Variants in ACTN2 observed in about 807,000 individuals in gnomAD.
The protein encoded by ACTN2 is alpha-actinin-2.
A neutral mutation model predicts 113.8 loss-of-function variants in ACTN2; 39 were observed. The ratio of observed to expected loss-of-function variants is 0.34; its 90% CI spans 0.27 to 0.45. ACTN2 has a LOEUF of 0.45. Ranked by LOEUF, ACTN2 falls within the 20% of genes least tolerant of loss-of-function variation. The pLI is 1.00. For synonymous variants in ACTN2, 429 were observed against 444.1 expected, an observed-to-expected ratio of 0.97 and a Z score of 0.43; for missense variants, 992 against 1,177.9, an observed-to-expected ratio of 0.84 and a Z score of 2.31.
chr1:236,722,157 T>C (rs1028201308), intron 4 of ACTN2, among the ~76,000 whole-genome samples: 5 of 152,168 alleles, frequency 3.3e-5, no homozygotes, highest in Non-Finnish European at 5.9e-5. Flanking sequence ...TTTTTATTTG[T>C]TTTAGTTTCA....
In ACTN2 at chr1:236,757,582, A is replaced by T; in HGVS notation, c.2251A>T (p.Thr751Ser). 6.2e-7 allele frequency: 1 copy of T among 1,614,200 alleles called. No individual in the cohort carries two copies. The highest frequency in any genetic ancestry group is 1.1e-5 in the South Asian group (1 of 91,084). ...CCTGACGAGAGATGCGAAGGGCATC[A>T]CCCAGGAGCAGATGAATGAGTTCAG... ...QILTRDAKGI[T>S]QEQMNEFRAS... Residue 751 changes from threonine (T) to serine (S), a missense_variant, in exon 18 of 21, where the codon ACC becomes TCC. Physicochemically the swap from Thr to Ser is moderately conservative, Grantham distance 58 (BLOSUM62 1). This residue lies in a region of ACTN2 where 736 missense variants were observed against 815.4 expected (regional missense o/e 0.90). Coordinates refer to ENST00000366578, the MANE Select transcript of ACTN2 (RefSeq NM_001103.4).
chr1:236,736,814 C>T (rs1181742577), intron 8 of ACTN2: 2 of 637,498 alleles, frequency 3.1e-6, no homozygotes, highest in Non-Finnish European at 5.4e-6. Context: ...TTCCTGGACC[C>T]AAATATTTCT....
chr1:236,742,040 C>G (rs1049451241), intron 10 of ACTN2, among the ~76,000 whole-genome samples: 1 of 152,244 alleles, frequency 6.6e-6, no homozygotes, highest in East Asian at 1.9e-4. Context: ...CCCAGGAGCC[C>G]TCGTTTCCTA....
intron 11 of ACTN2, among the ~76,000 whole-genome samples, chr1:236,743,775 T>C (rs1026490443): frequency 6.6e-6 from 1 of 152,198 alleles, no homozygotes; most frequent in Non-Finnish European, 1.5e-5. Flanking sequence ...CCAGGTGGGT[T>C]GGAGGCACAG....
At chr1:236,755,252 C>T (rs1659521341) in intron 17 of ACTN2, 54 bp downstream of exon 17, 1 of 1,601,808 alleles carries the variant, frequency 6.2e-7, no homozygotes, top group African/African-American at 1.3e-5. Flanking sequence ...ACCATGCCAC[C>T]TCCTCAGGGT....
At chr1:236,753,766 G>A (rs1659467828) in intron 15 of ACTN2, 181 bp from the exon 16 acceptor site, 2 of 756,152 alleles carry the variant, frequency 2.6e-6, no homozygotes, top group Admixed American at 1.9e-5. Flanking sequence ...AGCTCATCCT[G>A]TAGTCCCTAG....
At position 236,762,839 on chromosome 1, in the gene ACTN2, G is replaced by A. The variant is rs1659751939; in HGVS notation, c.*220G>A. The A allele has an allele frequency of 7.0e-6, 4 of 568,346 alleles. No homozygotes were observed. Among genetic ancestry groups the A allele is most frequent in the African/African-American group, 1.9e-5 (1 of 53,256 alleles). The allele number at this position is 568,346 out of a possible 1,614,324, so 35.2% of individuals were successfully genotyped here. A position where few individuals can be genotyped will look rare whatever the true frequency, so the allele number is the denominator to read the frequency against. ...GCTTCATAAATAGGTTTATTTCTGA[G>A]TTTTTAGCAAAATGTAATGAAATAT... On this transcript the variant is annotated 3_prime_UTR_variant, in exon 21 of 21. Coordinates refer to ENST00000366578, the MANE Select transcript of ACTN2 (RefSeq NM_001103.4).
chr1:236,751,406 A>G, intron 14 of ACTN2, 64 bp from the exon 15 acceptor site: 1 of 1,574,672 alleles, frequency 6.4e-7, no homozygotes, highest in Non-Finnish European at 8.7e-7. Flanking sequence ...GGAAAGGAAT[A>G]TCAAAGCCTT....
chr1:236,716,795 A>G (rs929371684), intron 1 of ACTN2, among the ~76,000 whole-genome samples: 2 of 150,092 alleles, frequency 1.3e-5, no homozygotes, highest in Admixed American at 6.7e-5. Flanking sequence ...CTGCTACACA[A>G]TATCACCCAC....
Position 236,739,354 on chromosome 1 carries a change from A to G in ACTN2, c.929A>G (p.Glu310Gly). 1 of 1,614,052 alleles carries G rather than the reference A, an allele frequency of 6.2e-7. No homozygotes were observed. Among genetic ancestry groups the G allele is most frequent in the Admixed American group, 1.7e-5 (1 of 60,008 alleles). Residue 310 changes from glutamate to glycine, a missense_variant, in exon 10 of 21, where the codon GAG becomes GGG. Glu to Gly is a moderately conservative substitution (Grantham distance 98). Coordinates refer to ENST00000366578, the MANE Select transcript of ACTN2 (RefSeq NM_001103.4). ...CCCTGGCTGGAGAACCGGACTCCCGAGAAGACCATGCAAGCCATGCAGAAG... is the reference window on the plus strand; with the variant it reads ...CCCTGGCTGGAGAACCGGACTCCCGGGAAGACCATGCAAGCCATGCAGAAG... ...TIPWLENRTP[E>G]KTMQAMQKKL... is the part of the protein sequence containing the mutation.
chr1:236,749,064 A>G (rs988359353), intron 13 of ACTN2, 60 bp from the exon 14 acceptor site: 1 of 1,585,368 alleles, frequency 6.3e-7, no homozygotes, highest in Non-Finnish European at 8.6e-7. Flanking sequence ...ACGCCTACTT[A>G]CACTTTCAGT....
At chr1:236,739,926 A>G (rs1423067868) in intron 10 of ACTN2, among the ~76,000 whole-genome samples, 6 of 151,750 alleles carry the variant, frequency 4.0e-5, no homozygotes. Flanking sequence ...TCTCTTCCAC[A>G]TTGTCACTTT....
chr1:236,707,658 GCTTTT>G (rs1657867253), intron 1 of ACTN2, among the ~76,000 whole-genome samples: 3 of 112,870 alleles, frequency 2.7e-5, no homozygotes, highest in African/African-American at 8.1e-5. Context: ...GATTCATAGT[GCTTTT>G]CTTTTCTTTT....
chr1:236,690,036 A>G (rs1414585783), intron 1 of ACTN2, among the ~76,000 whole-genome samples: 2 of 152,246 alleles, frequency 1.3e-5, no homozygotes, highest in Non-Finnish European at 2.9e-5. Context: ...GCTTGATGAT[A>G]GATAAACTTT....
rs566552494 is a variant in ACTN2, at chr1:236,735,713, C to T, written c.776C>T (p.Ala259Val). Residue 259 changes from alanine (A) to valine (V), a missense_variant, in exon 8 of 21, where the codon GCG becomes GTG. Ala to Val is a moderately conservative substitution (Grantham distance 64). Transcript: ENST00000366578. ...TGCTTCTACCACGCTTTTGCGGGCGCGGAGCAGGTACTCAACACTTGTCCG... is the reference window on the plus strand; with the variant it reads ...TGCTTCTACCACGCTTTTGCGGGCGTGGAGCAGGTACTCAACACTTGTCCG... ...VSCFYHAFAGAEQAETAANRI... is the reference protein window; with the variant it reads ...VSCFYHAFAGVEQAETAANRI... 1.5e-5 allele frequency: 25 copies of T among 1,614,120 alleles called. No homozygotes were observed. The highest frequency in any genetic ancestry group is 1.6e-4 in the Middle Eastern group (1 of 6,062).
rs745563404 is a variant in ACTN2, at chr1:236,686,814, G to A, written c.126+15G>A. The A allele has an allele frequency of 7.8e-5, 115 of 1,477,274 alleles. No individual in the cohort carries two copies. Among genetic ancestry groups the A allele is most frequent in the Middle Eastern group, 2.3e-4 (1 of 4,422 alleles). The allele number at this position is 1,477,274 out of a possible 1,614,324, so 91.5% of individuals were successfully genotyped here. On this transcript the variant is annotated intron_variant, in intron 1 of 20. Transcript: ENST00000366578. ...AGCAGAGGAAGGTCAGCAGGGGCCC[G>A]CGGGCCGCCCGCGCGTGGTGGGGCC...
chr1:236,755,223 C>G, intron 17 of ACTN2, 25 bp downstream of exon 17: 1 of 1,613,804 alleles, frequency 6.2e-7, no homozygotes, highest in Admixed American at 1.7e-5. Flanking sequence ...CAGGCGTGTG[C>G]CGCTCACTTC....
intron 4 of ACTN2, among the ~76,000 whole-genome samples, chr1:236,721,024 T>G (rs1358229394): frequency 3.4e-5 from 3 of 87,216 alleles, no homozygotes; most frequent in Non-Finnish European, 7.4e-5. Context: ...TGTTTTTTGT[T>G]TTTTTTTTTT....
intron 20 of ACTN2, 129 bp downstream of exon 20, chr1:236,761,302 T>A: frequency 9.0e-7 from 1 of 1,117,310 alleles, no homozygotes; most frequent in Non-Finnish European, 1.3e-6. Context: ...GGCACTGATT[T>A]CAGAAGGCAG....
Sources: gnomAD v4.1 joint callset for allele counts (sites outside exome capture counted in the v4.1 genomes callset) on GRCh38, gnomAD v4.1.1 for gene constraint, gnomAD v4.1.1 regional missense constraint, MANE v1.5 for transcripts, NCBI Gene and HGNC (gene_info 2026-07-23, HGNC 2026-07-21) for gene names.